The following MTMR14 variants were observed in gnomAD, a reference collection of about 807,000 sequenced individuals.
The protein encoded by MTMR14 is myotubularin related protein 14, also known as phosphatidylinositol-3,5-bisphosphate 3-phosphatase MTMR14.
MTMR14 carries 48 observed loss-of-function variants against 86.3 expected under a neutral mutation model. The ratio of observed to expected loss-of-function variants is 0.56; its 90% confidence interval spans 0.44 to 0.71. The LOEUF (loss-of-function observed/expected upper bound fraction) is 0.71, where lower values mean the gene tolerates loss of function less well. Ranked by LOEUF, MTMR14 falls within the 30% of genes least tolerant of loss-of-function variation. The probability of loss-of-function intolerance (pLI) is 0.00; values close to 1 mark genes in which losing one functional copy is unlikely to be tolerated. For synonymous variants in MTMR14, 366 were observed against 326.1 expected, an observed-to-expected ratio of 1.12 and a Z score of -1.32; for missense variants, 780 against 834.6, an observed-to-expected ratio of 0.93 and a Z score of 0.81.
intron 4 of MTMR14, 79 bp from the exon 5 acceptor site, chr3:9,669,353 G>A (rs2048440861): frequency 1.4e-6 from 2 of 1,456,488 alleles, no homozygotes; most frequent in South Asian, 1.2e-5. Flanking sequence ...GCACTATGGG[G>A]AAGGAGGCTG....
chr3:9,695,564 G>A (rs59509297), intron 17 of MTMR14, among the ~76,000 whole-genome samples: 4 of 152,204 alleles, frequency 2.6e-5, no homozygotes, highest in African/African-American at 9.6e-5. Flanking sequence ...GACAAGCCCA[G>A]GGGACCTGGA....
intron 17 of MTMR14, among the ~76,000 whole-genome samples, chr3:9,697,394 CG>C (rs2076313514): frequency 6.6e-6 from 1 of 152,144 alleles, no homozygotes; most frequent in Admixed American, 6.5e-5. Context: ...TTGTCCTTGC[CG>C]TGTTCACTCC....
chr3:9,656,201 TA>T (rs544986685), intron 2 of MTMR14, among the ~76,000 whole-genome samples: 6 of 144,730 alleles, frequency 4.1e-5, no homozygotes, highest in African/African-American at 7.6e-5. Context: ...CTCAAAAAAA[TA>T]AAAAAAAAAG....
chr3:9,649,703 G>T lies in MTMR14; in HGVS notation c.120G>T (p.Gln40His). The T allele has an allele frequency of 1.2e-6, 2 of 1,612,890 alleles. No individual in the cohort carries two copies. Among genetic ancestry groups the T allele is most frequent in the South Asian group, 1.1e-5 (1 of 90,756 alleles). ...GELLEEFSRT[Q>H]YRAKDGSGTG... ...TGCTGGAGGAGTTCTCCCGGACTCA[G>T]TACCGGGCCAAGGATGGCAGCGGGA... The change falls in exon 1 of 19, where the codon CAG becomes CAT. Residue 40 changes from glutamine (Q) to histidine (H), a missense_variant. By Grantham distance (24) the Gln-to-His change is conservative. Transcript: ENST00000296003.
intron 17 of MTMR14, among the ~76,000 whole-genome samples, chr3:9,696,291 A>G (rs1332260984): frequency 6.6e-6 from 1 of 152,220 alleles, no homozygotes; most frequent in Non-Finnish European, 1.5e-5. Flanking sequence ...AGAGATCAGG[A>G]GTTCAAGACC....
chr3:9,662,175 G>A, intron 2 of MTMR14, 92 bp from the exon 3 acceptor site: 1 of 879,022 alleles, frequency 1.1e-6, no homozygotes. Context: ...TATGTACACA[G>A]ATCTAGTATG....
intron 3 of MTMR14, among the ~76,000 whole-genome samples, chr3:9,665,767 C>T (rs1335462968): frequency 3.5e-5 from 5 of 144,418 alleles, no homozygotes; most frequent in Non-Finnish European, 7.5e-5. Flanking sequence ...GTCTCGCTGT[C>T]GCCCAGGTTG....
At chr3:9,664,925 G>C (rs1466172266) in intron 3 of MTMR14, among the ~76,000 whole-genome samples, 1 of 152,078 alleles carries the variant, frequency 6.6e-6, no homozygotes, top group African/African-American at 2.4e-5. Flanking sequence ...TAACATAGAG[G>C]ATAAATGCTT....
rs1286975903 is a variant in MTMR14, at chr3:9,649,556, G to A, written c.-28G>A. 26 of 1,530,070 alleles carry A rather than the reference G, an allele frequency of 1.7e-5. No homozygotes were observed. The South Asian group carries it at 2.9e-4, about 17-fold the overall frequency. 94.8% of individuals were successfully genotyped at this position (1,530,070 alleles called of 1,614,324 possible). On this transcript the variant is annotated 5_prime_UTR_variant, in exon 1 of 19. Transcript: ENST00000296003. ...GGCAGGTGCCATGGGCCCGCTTGAG[G>A]CACACTGAGGGGACGCGGGGCTGGG...
intron 3 of MTMR14, 140 bp from the exon 4 acceptor site, chr3:9,668,579 C>G: frequency 1.0e-5 from 8 of 778,188 alleles, no homozygotes. Flanking sequence ...ATTGTGGCAG[C>G]CTTGATGCTG....
intron 9 of MTMR14, among the ~76,000 whole-genome samples, chr3:9,680,311 C>T (rs2075719339): frequency 6.6e-6 from 1 of 152,226 alleles, no homozygotes; most frequent in Non-Finnish European, 1.5e-5. Context: ...GTGCCTAGCT[C>T]AGGCCACCAC....
intron 13 of MTMR14, among the ~76,000 whole-genome samples, chr3:9,686,587 T>C (rs1356531503): frequency 6.6e-6 from 1 of 152,174 alleles, no homozygotes; most frequent in African/African-American, 2.4e-5. Flanking sequence ...CCTTGGAGGT[T>C]CGGGGAACAT....
intron 9 of MTMR14, among the ~76,000 whole-genome samples, chr3:9,681,414 A>G (rs750012478): frequency 5.3e-5 from 8 of 152,284 alleles, no homozygotes; most frequent in Non-Finnish European, 8.8e-5. Context: ...AGATGCCAAA[A>G]CAGCCTCTGC....
At chr3:9,698,822 C>T (rs1433820329) in intron 18 of MTMR14, among the ~76,000 whole-genome samples, 1 of 152,036 alleles carries the variant, frequency 6.6e-6, no homozygotes, top group African/African-American at 2.4e-5. Context: ...GCCTCCTCTG[C>T]AGCCAGCCCC....
chr3:9,663,802 C>A (rs192935454), intron 3 of MTMR14, among the ~76,000 whole-genome samples: 1 of 149,782 alleles, frequency 6.7e-6, no homozygotes, highest in Non-Finnish European at 1.5e-5. Flanking sequence ...CGTGAGCCAC[C>A]GCGCACGGCC....
intron 14 of MTMR14, 102 bp downstream of exon 14, chr3:9,687,993 C>T: frequency 9.9e-7 from 1 of 1,012,794 alleles, no homozygotes. Flanking sequence ...CCCTGCCTCC[C>T]TGCTTGTTGG....
intron 18 of MTMR14, 92 bp downstream of exon 18, chr3:9,697,958 G>A (rs1485718902): frequency 1.9e-5 from 30 of 1,556,668 alleles, no homozygotes; most frequent in Admixed American, 6.7e-5. Context: ...TGAGGCTGGC[G>A]CTCAGGAGCT....
At chr3:9,686,490 C>G (rs150255713) in intron 13 of MTMR14, among the ~76,000 whole-genome samples, 255 of 152,280 alleles carry the variant, frequency 1.7e-3, no homozygotes, top group African/African-American at 3.8e-3. Context: ...TCTGTTACCC[C>G]CCCCAGACAA....
At chr3:9,655,346 A>G (rs1027208103) in intron 2 of MTMR14, among the ~76,000 whole-genome samples, 1 of 151,288 alleles carries the variant, frequency 6.6e-6, no homozygotes, top group African/African-American at 2.4e-5. Flanking sequence ...CAGCCTGGGC[A>G]ACAGAGCAAG....
Sources: allele counts gnomAD v4.1 joint callset (sites outside exome capture counted in the v4.1 genomes callset), GRCh38; gene constraint gnomAD v4.1.1; transcripts MANE v1.5; gene names NCBI Gene and HGNC (gene_info 2026-07-23, HGNC 2026-07-21).